Variants in UNC13C observed in about 807,000 individuals in gnomAD.
UNC13C encodes the protein unc-13 homolog C.
A neutral mutation model predicts 245.4 loss-of-function variants in UNC13C; 174 were observed. The ratio of observed to expected loss-of-function variants is 0.71; its 90% CI spans 0.63 to 0.80. The LOEUF is 0.80. UNC13C is among the 30% of genes least tolerant of loss of function. The pLI is 0.00. For synonymous variants in UNC13C, 992 were observed against 895.1 expected, an observed-to-expected ratio of 1.11 and a Z score of -1.93; for missense variants, 2,829 against 2,602.9, an observed-to-expected ratio of 1.09 and a Z score of -1.89.
chr15:54,270,498 G>C (rs77851532), intron 10 of UNC13C, among the ~76,000 whole-genome samples: 1 of 151,920 alleles, frequency 6.6e-6, no homozygotes, highest in African/African-American at 2.4e-5. Flanking sequence ...CATAGAACTT[G>C]TTAAGTGTTA....
At chr15:53,848,033 T>C in the UNC13C span, among the ~76,000 whole-genome samples, 2 of 152,164 alleles carry the variant, frequency 1.3e-5, no homozygotes, top group African/African-American at 4.8e-5. Context: ...ACCCTTATAA[T>C]GTCTGTAGGA....
intron 19 of UNC13C, among the ~76,000 whole-genome samples, chr15:54,444,103 T>G (rs1890675241): frequency 6.6e-6 from 1 of 151,930 alleles, no homozygotes; most frequent in South Asian, 2.1e-4. Flanking sequence ...TATTTAGAAC[T>G]GTTATGTCCT....
intron 2 of UNC13C, among the ~76,000 whole-genome samples, chr15:54,017,950 G>C (rs1895734725): frequency 6.6e-6 from 1 of 152,122 alleles, no homozygotes; most frequent in Non-Finnish European, 1.5e-5. Flanking sequence ...ATCTGTCCTA[G>C]AGGAAATCAG....
intron 2 of UNC13C, among the ~76,000 whole-genome samples, chr15:54,095,440 C>T (rs1024429092): frequency 1.1e-4 from 16 of 152,184 alleles, no homozygotes; most frequent in Middle Eastern, 3.2e-3. Flanking sequence ...TTTTCTGTTC[C>T]ATGTCCATGT....
At chr15:54,449,650 ATTGGT>A (rs1891055614) in intron 19 of UNC13C, among the ~76,000 whole-genome samples, 1 of 152,092 alleles carries the variant, frequency 6.6e-6, no homozygotes, top group South Asian at 2.1e-4. Context: ...ACTTCTCTGC[ATTGGT>A]TATTCTAGTT....
the UNC13C span, among the ~76,000 whole-genome samples, chr15:53,881,778 C>T: frequency 1.3e-5 from 2 of 152,134 alleles, no homozygotes; most frequent in Non-Finnish European, 2.9e-5. Flanking sequence ...TTTTCAATGG[C>T]GTTCCAAGAA....
chr15:53,959,322 T>C, the UNC13C span, among the ~76,000 whole-genome samples: 2 of 152,162 alleles, frequency 1.3e-5, no homozygotes, highest in Non-Finnish European at 2.9e-5. Context: ...GTGGGATTCC[T>C]GGTTCATATG....
At chr15:54,166,678 A>G (rs567280960) in intron 4 of UNC13C, among the ~76,000 whole-genome samples, 8 of 152,292 alleles carry the variant, frequency 5.3e-5, no homozygotes, top group African/African-American at 1.9e-4. Flanking sequence ...AGGTTAATAT[A>G]TCAAAATCAA....
intron 8 of UNC13C, among the ~76,000 whole-genome samples, chr15:54,253,690 G>T (rs1401167747): frequency 6.6e-6 from 1 of 152,168 alleles, no homozygotes; most frequent in East Asian, 1.9e-4. Flanking sequence ...AACGTGTAAG[G>T]AACTTGCTGT....
intron 2 of UNC13C, among the ~76,000 whole-genome samples, chr15:54,095,216 A>G (rs1899791895): frequency 6.6e-6 from 1 of 151,984 alleles, no homozygotes; most frequent in Admixed American, 6.6e-5. Context: ...TGCCTCTCAA[A>G]CTCTAGGACA....
chr15:54,185,772 T>C (rs1182750386), intron 4 of UNC13C, among the ~76,000 whole-genome samples: 2 of 151,160 alleles, frequency 1.3e-5, no homozygotes, highest in African/African-American at 4.9e-5. Context: ...TGGTTCCATA[T>C]GAACTTTAAA....
chr15:54,211,587 G>A (rs1446005874), intron 4 of UNC13C, among the ~76,000 whole-genome samples: 3 of 152,026 alleles, frequency 2.0e-5, no homozygotes, highest in African/African-American at 4.8e-5. Flanking sequence ...ATCTAGAACC[G>A]TGGGCTAGCT....
chr15:54,558,257 A>G (rs1228136858), intron 29 of UNC13C, among the ~76,000 whole-genome samples: 1 of 152,060 alleles, frequency 6.6e-6, no homozygotes, highest in Non-Finnish European at 1.5e-5. Context: ...TATAATAATA[A>G]AAAAAGAATG....
chr15:54,146,209 C>T (rs1189285292), intron 4 of UNC13C, among the ~76,000 whole-genome samples: 1 of 152,008 alleles, frequency 6.6e-6, no homozygotes, highest in East Asian at 1.9e-4. Flanking sequence ...AATATCACAA[C>T]TTCTATTATC....
the UNC13C span, among the ~76,000 whole-genome samples, chr15:53,962,105 A>G: frequency 6.6e-6 from 1 of 152,130 alleles, no homozygotes; most frequent in Non-Finnish European, 1.5e-5. Flanking sequence ...AATTGTTTGC[A>G]TTATTTTTAA....
intron 19 of UNC13C, among the ~76,000 whole-genome samples, chr15:54,478,619 T>C (rs1300414723): frequency 6.6e-6 from 1 of 151,692 alleles, no homozygotes; most frequent in African/African-American, 2.4e-5. Context: ...AGTTGAGCAG[T>C]TTTGAGTGAG....
At position 54,204,787 on chromosome 15, in the gene UNC13C, A is replaced by T. The variant is rs534056809; in HGVS notation, c.3072-30243A>T. On this transcript the variant is annotated intron_variant, in intron 4 of 32. Transcript: ENST00000260323. ...TATCACAAAATTCAGGATAGTAGTT[A>T]ACTTTGGAGGAGAGGGAAAAAGAGA... is the stretch of plus-strand genomic sequence containing the variant. 6.9e-4 allele frequency among the ~76,000 whole-genome samples: 105 copies of T among 152,106 alleles called. 2 individuals carry two copies. In the South Asian group the frequency reaches 0.022, roughly 31 times the overall value.
chr15:54,250,478 C>A, intron 8 of UNC13C, 34 bp downstream of exon 8: 1 of 1,553,162 alleles, frequency 6.4e-7, no homozygotes. Context: ...AAGTGGTATG[C>A]AGAGCCTGCC....
intron 18 of UNC13C, among the ~76,000 whole-genome samples, chr15:54,401,860 T>A (rs12911906): frequency 6.6e-6 from 1 of 152,140 alleles, no homozygotes; most frequent in African/African-American, 2.4e-5. Context: ...TCAGCTTTTC[T>A]TGGGTTCCAG....
Sources: gnomAD v4.1 joint callset for allele counts (sites outside exome capture counted in the v4.1 genomes callset) on GRCh38, gnomAD v4.1.1 for gene constraint, MANE v1.5 for transcripts, NCBI Gene and HGNC (gene_info 2026-07-23, HGNC 2026-07-21) for gene names.